Variants in STS observed in about 807,000 individuals in gnomAD.
The protein encoded by STS is steryl-sulfatase.
In STS, 7 loss-of-function variants were observed where a neutral mutation model predicts 26.8. The ratio of observed to expected loss-of-function variants is 0.26; its 90% CI spans 0.15 to 0.49. The LOEUF (loss-of-function observed/expected upper bound fraction) is 0.49, where lower values mean the gene tolerates loss of function less well. Ranked by LOEUF, STS falls within the 20% of genes least tolerant of loss-of-function variation. The pLI is 0.98. For synonymous variants in STS, 199 were observed against 189.4 expected, an observed-to-expected ratio of 1.05 and a Z score of -0.42; for missense variants, 434 against 465.6, an observed-to-expected ratio of 0.93 and a Z score of 0.63.
intron 7 of STS, among the ~76,000 whole-genome samples, chrX:7,301,930 G>A (rs925427629): frequency 2.0e-4 from 22 of 111,905 alleles, no homozygotes; most frequent in African/African-American, 6.2e-4. Context: ...TTGTCTGGAT[G>A]TACCACAGTT....
chrX:7,347,957 A>G (rs1011615828), intron 10 of STS, among the ~76,000 whole-genome samples: 5 of 111,422 alleles, frequency 4.5e-5, no homozygotes, highest in Non-Finnish European at 9.4e-5. Context: ...CCTGCTGGAG[A>G]TGGTAACCAA....
At chrX:7,247,980 C>T (rs1922965698) in intron 2 of STS, among the ~76,000 whole-genome samples, 1 of 111,744 alleles carries the variant, frequency 8.9e-6, no homozygotes, top group Admixed American at 9.5e-5. Flanking sequence ...AATATTTATT[C>T]ACTCGCAGGG....
At chrX:7,266,081 A>G (rs1024831300) in intron 6 of STS, among the ~76,000 whole-genome samples, 5 of 112,224 alleles carry the variant, frequency 4.5e-5, no homozygotes, top group Non-Finnish European at 9.4e-5. Flanking sequence ...GGAATGCCTG[A>G]TCAAAGCAAT....
At chrX:7,215,012 A>G (rs1394253803) in intron 2 of STS, among the ~76,000 whole-genome samples, 68 of 16,554 alleles carry the variant, frequency 4.1e-3, no homozygotes, top group African/African-American at 8.6e-3. Flanking sequence ...ATATATACGT[A>G]TATATATATA....
At chrX:7,288,639 C>CGTGT (rs58375124) in intron 7 of STS, among the ~76,000 whole-genome samples, 1,393 of 89,554 alleles carry the variant, frequency 0.016, 29 homozygotes, top group Admixed American at 0.062. Context: ...AAATTCTGTA[C>CGTGT]GTGTGTGTGT....
At position 7,333,616 on chromosome X, in the gene STS, G is replaced by T. The variant is rs149364970; in HGVS notation, c.1242-370G>T. Reference sequence around the variant, plus strand: ...AAGCTTTCCCTTTGATCAGGCAATAGACAGAAAATTGTGTTTTGGAGAAGC... The same window carrying T: ...AAGCTTTCCCTTTGATCAGGCAATATACAGAAAATTGTGTTTTGGAGAAGC... On this transcript the variant is annotated intron_variant, in intron 9 of 10. Transcript: ENST00000674429. 1.2e-4 allele frequency among the ~76,000 whole-genome samples: 13 copies of T among 112,491 alleles called. 1 individual carries two copies. The East Asian group carries it at 3.1e-3, about 27-fold the overall frequency.
At chrX:7,306,634 C>T (rs1311396873) in intron 8 of STS, among the ~76,000 whole-genome samples, 6 of 111,259 alleles carry the variant, frequency 5.4e-5, no homozygotes, top group East Asian at 5.7e-4. Flanking sequence ...TTGACAAGGG[C>T]GCTAACACTT....
At chrX:7,292,659 A>G (rs1166527386) in intron 7 of STS, among the ~76,000 whole-genome samples, 4 of 110,661 alleles carry the variant, frequency 3.6e-5, no homozygotes, top group Non-Finnish European at 7.6e-5. Context: ...TCTGCATTGC[A>G]TGCCATGTGC....
intron 1 of STS, among the ~76,000 whole-genome samples, chrX:7,179,849 T>G (rs1933648190): frequency 8.9e-6 from 1 of 112,189 alleles, no homozygotes; most frequent in Admixed American, 9.5e-5. Context: ...ACATCCATTG[T>G]ACAACATGGT....
upstream of STS, among the ~76,000 whole-genome samples, chrX:7,147,621 A>G (rs1380400503): frequency 8.9e-6 from 1 of 112,246 alleles, no homozygotes; most frequent in African/African-American, 3.2e-5. Context: ...CCTCCAGGCT[A>G]CTTTGCAGAC....
At chrX:7,308,551 T>G (rs779635570) in intron 8 of STS, among the ~76,000 whole-genome samples, 1 of 111,373 alleles carries the variant, frequency 9.0e-6, no homozygotes, top group Admixed American at 9.6e-5. Context: ...GAATAATGGT[T>G]GGGAACCCCA....
chrX:7,227,454 T>TG (rs773185238), intron 2 of STS, among the ~76,000 whole-genome samples: 2 of 110,246 alleles, frequency 1.8e-5, no homozygotes, highest in South Asian at 7.7e-4. Flanking sequence ...CGTTGTTTTT[T>TG]TTTTTTTTTA....
At chrX:7,211,126 C>T (rs1393890218) in intron 2 of STS, among the ~76,000 whole-genome samples, 3 of 111,721 alleles carry the variant, frequency 2.7e-5, no homozygotes, top group African/African-American at 9.8e-5. Context: ...ACTTTGTATC[C>T]TTAGACCAAC....
intron 1 of STS, among the ~76,000 whole-genome samples, chrX:7,187,373 C>T (rs1238260071): frequency 8.9e-6 from 1 of 112,059 alleles, no homozygotes; most frequent in Non-Finnish European, 1.9e-5. Flanking sequence ...GGATAAATGA[C>T]TCATCCTAGC....
chrX:7,154,396 C>T (rs1933090904), intron 1 of STS, among the ~76,000 whole-genome samples: 3 of 112,479 alleles, frequency 2.7e-5, no homozygotes, highest in African/African-American at 9.7e-5. Flanking sequence ...AAGAGTGATT[C>T]GTTTATGGTT....
chrX:7,263,579 G>A (rs1751009829), intron 6 of STS, among the ~76,000 whole-genome samples: 1 of 112,218 alleles, frequency 8.9e-6, no homozygotes, highest in Non-Finnish European at 1.9e-5. Context: ...TGCACTGTAC[G>A]ATGTTTGCAG....
At chrX:7,246,690 G>T in intron 2 of STS, among the ~76,000 whole-genome samples, 1 of 111,877 alleles carries the variant, frequency 8.9e-6, no homozygotes, top group Non-Finnish European at 1.9e-5. Flanking sequence ...TATTGCATGG[G>T]ATTTTATGTT....
Position 7,350,627 on chromosome X carries a change from C to A in STS, c.*366C>A. 9.5e-6 allele frequency: 2 copies of A among 209,904 alleles called. No homozygotes were observed. The highest frequency in any genetic ancestry group is 1.7e-5 in the Non-Finnish European group (2 of 115,111). 17.3% of individuals were successfully genotyped at this position (209,904 alleles called of 1,213,427 possible). A position where few individuals can be genotyped will look rare whatever the true frequency, so the allele number is the denominator to read the frequency against. ...AGGTGCAGGAGGTACCTTAACTCACCCCTCAGCAAATACCTATGTCAACAG... is the reference window on the plus strand; with the variant it reads ...AGGTGCAGGAGGTACCTTAACTCACACCTCAGCAAATACCTATGTCAACAG... On this transcript the variant is annotated 3_prime_UTR_variant, in exon 11 of 11. Coordinates refer to ENST00000674429, the MANE Select transcript of STS (RefSeq NM_001320752.2).
At chrX:7,333,507 T>C (rs1252088944) in intron 9 of STS, among the ~76,000 whole-genome samples, 1 of 112,324 alleles carries the variant, frequency 8.9e-6, no homozygotes, top group African/African-American at 3.2e-5. Flanking sequence ...GAATCCAAGT[T>C]GCCTCATGCA....
Sources: gnomAD v4.1 joint callset for allele counts (sites outside exome capture counted in the v4.1 genomes callset) on GRCh38, gnomAD v4.1.1 for gene constraint, MANE v1.5 for transcripts, NCBI Gene and HGNC (gene_info 2026-07-23, HGNC 2026-07-21) for gene names.